THRB: variants seen among roughly 807,000 people sequenced by gnomAD.
THRB encodes the protein nuclear receptor subfamily 1 group A member 2.
A neutral mutation model predicts 47.8 loss-of-function variants in THRB; 12 were observed. The observed-to-expected ratio is 0.25, with a 90% confidence interval of 0.16 to 0.41. The LOEUF is 0.41. Ranked by LOEUF, THRB falls within the 10% of genes least tolerant of loss-of-function variation. The pLI is 1.00. For missense variants in THRB, 348 were observed against 589.2 expected, an observed-to-expected ratio of 0.59 and a Z score of 4.24; for synonymous variants, 218 against 212.2, an observed-to-expected ratio of 1.03 and a Z score of -0.24.
intron 1 of THRB, among the ~76,000 whole-genome samples, chr3:24,473,762 A>G (rs1384987253): frequency 6.6e-6 from 1 of 152,222 alleles, no homozygotes; most frequent in African/African-American, 2.4e-5. Context: ...GGAGCCATAA[A>G]AAAGGATGAG....
At chr3:24,488,425 T>C (rs138867202) in intron 1 of THRB, among the ~76,000 whole-genome samples, 1 of 152,176 alleles carries the variant, frequency 6.6e-6, no homozygotes, top group East Asian at 1.9e-4. Context: ...AAACTATAGA[T>C]AGTATTTGTT....
intron 3 of THRB, among the ~76,000 whole-genome samples, chr3:24,279,184 T>C (rs370579750): frequency 1.3e-5 from 2 of 152,136 alleles, no homozygotes; most frequent in Non-Finnish European, 2.9e-5. Context: ...ATAATTTGAT[T>C]GGTACTTCGA....
chr3:24,150,327 T>C (rs772025253), intron 6 of THRB, among the ~76,000 whole-genome samples: 1 of 152,200 alleles, frequency 6.6e-6, no homozygotes, highest in Non-Finnish European at 1.5e-5. Context: ...TTAAAAACCG[T>C]GTTTCACTTG....
At chr3:24,422,952 C>T (rs974548967) in intron 1 of THRB, among the ~76,000 whole-genome samples, 1 of 151,948 alleles carries the variant, frequency 6.6e-6, no homozygotes, top group East Asian at 2.0e-4. Flanking sequence ...GACTTCTTAT[C>T]CCCAGGCTTG....
intron 10 of THRB, 82 bp downstream of exon 10, chr3:24,127,417 A>G: frequency 7.0e-7 from 1 of 1,438,656 alleles, no homozygotes. Context: ...CTAAAGGGGG[A>G]CTGAAAACTC....
At chr3:24,417,660 T>C (rs2068874553) in intron 1 of THRB, among the ~76,000 whole-genome samples, 1 of 151,812 alleles carries the variant, frequency 6.6e-6, no homozygotes, top group Non-Finnish European at 1.5e-5. Context: ...CATAAGAAAA[T>C]GATTCCACAT....
At chr3:24,243,159 C>G (rs1327379640) in intron 3 of THRB, among the ~76,000 whole-genome samples, 1 of 151,448 alleles carries the variant, frequency 6.6e-6, no homozygotes, top group Non-Finnish European at 1.5e-5. Context: ...GTTTGTAAAG[C>G]AGCGTGGGTG....
At chr3:24,298,612 C>T (rs578062402) in intron 2 of THRB, among the ~76,000 whole-genome samples, 231 of 152,284 alleles carry the variant, frequency 1.5e-3, no homozygotes, top group African/African-American at 5.2e-3. Context: ...TTTTCAAATA[C>T]TTTTTACCCT....
At chr3:24,306,640 T>C (rs2057358643) in intron 2 of THRB, among the ~76,000 whole-genome samples, 4 of 152,134 alleles carry the variant, frequency 2.6e-5, no homozygotes, top group Admixed American at 2.6e-4. Flanking sequence ...TTTTTTTTTC[T>C]AAGGCATAGC....
In THRB at chr3:24,122,875, CCAGT is replaced by C; in HGVS notation, c.*5_*8del. On this transcript the variant is annotated 3_prime_UTR_variant, in exon 11 of 11. Coordinates refer to ENST00000646209, the MANE Select transcript of THRB (RefSeq NM_001354712.2). ...TGCTGTAGGAATTATGAGAATGAAT[CCAGT>C]CAGTCTAATCCTCGAACACTTCCAA... 2 of 1,614,086 alleles carry C rather than the reference CCAGT, an allele frequency of 1.2e-6. No individual in the cohort carries two copies. Among genetic ancestry groups the C allele is most frequent in the Non-Finnish European group, 1.7e-6 (2 of 1,179,996 alleles).
rs148805668 is a variant in THRB at position 24,220,895 on chromosome 3, C to T, written c.22+8043G>A. ...GGGAACTGATGGTCCAAATACTGAA[C>T]AGTCTGCTGTGGCGGCCCTGGGCAA... On this transcript the variant is annotated intron_variant, in intron 4 of 10. Transcript: ENST00000646209. Among the ~76,000 whole-genome samples the T allele has an allele frequency of 2.0e-5, 3 of 152,032 alleles. No individual in the cohort carries two copies. In the East Asian group the frequency reaches 5.8e-4, roughly 29 times the overall value.
chr3:24,375,332 T>TATTAATA (rs1560049735), intron 1 of THRB, among the ~76,000 whole-genome samples: 5 of 144,470 alleles, frequency 3.5e-5, no homozygotes, highest in Non-Finnish European at 4.5e-5. Flanking sequence ...TAGACATATA[T>TATTAATA]TATTATATTT....
intron 2 of THRB, among the ~76,000 whole-genome samples, chr3:24,317,969 G>C (rs1019943422): frequency 3.3e-5 from 5 of 152,060 alleles, no homozygotes; most frequent in Admixed American, 3.3e-4. Context: ...GAGTCGGGAG[G>C]ATCACCTGAC....
At chr3:24,341,677 T>G (rs1325080382) in intron 1 of THRB, among the ~76,000 whole-genome samples, 2 of 152,200 alleles carry the variant, frequency 1.3e-5, no homozygotes, top group African/African-American at 4.8e-5. Flanking sequence ...GCTTTTTGAT[T>G]GTGTTTTTGG....
chr3:24,159,364 A>G (rs2038400479), intron 5 of THRB, among the ~76,000 whole-genome samples: 1 of 152,222 alleles, frequency 6.6e-6, no homozygotes, highest in South Asian at 2.1e-4. Flanking sequence ...ATGCTTTCGT[A>G]GTGCTTATGA....
intron 1 of THRB, among the ~76,000 whole-genome samples, chr3:24,392,714 T>C (rs1037483564): frequency 1.2e-4 from 18 of 152,140 alleles, no homozygotes; most frequent in African/African-American, 4.3e-4. Context: ...CAAAATCAAG[T>C]ATTTTAGTCT....
intron 2 of THRB, among the ~76,000 whole-genome samples, chr3:24,332,648 A>C (rs1390387989): frequency 6.6e-6 from 1 of 152,268 alleles, no homozygotes; most frequent in African/African-American, 2.4e-5. Context: ...CAAACAGAGA[A>C]TAAAAATAAT....
intron 5 of THRB, among the ~76,000 whole-genome samples, chr3:24,178,980 A>G (rs779876545): frequency 6.6e-6 from 1 of 152,228 alleles, no homozygotes; most frequent in Non-Finnish European, 1.5e-5. Flanking sequence ...ATTATACTCT[A>G]ATAAAGCTGC....
At chr3:24,234,353 T>C (rs1361521312) in intron 3 of THRB, among the ~76,000 whole-genome samples, 3 of 152,046 alleles carry the variant, frequency 2.0e-5, no homozygotes, top group Admixed American at 1.3e-4. Flanking sequence ...AGATAGCTAA[T>C]GGAAAAGATA....
Sources: gnomAD v4.1 joint callset for allele counts (sites outside exome capture counted in the v4.1 genomes callset) on GRCh38, gnomAD v4.1.1 for gene constraint, MANE v1.5 for transcripts, NCBI Gene and HGNC (gene_info 2026-07-23, HGNC 2026-07-21) for gene names.